Variants in RPS6KA5 observed in about 807,000 individuals in gnomAD.
RPS6KA5 encodes ribosomal protein S6 kinase alpha-5.
In RPS6KA5, 27 loss-of-function variants were observed where a neutral mutation model predicts 85.5. The observed-to-expected ratio is 0.32, with a 90% CI of 0.23 to 0.44. RPS6KA5 has a LOEUF of 0.44. Among genes scored for constraint, RPS6KA5 ranks in the 20% least tolerant of loss-of-function variants. The pLI is 1.00. For missense variants in RPS6KA5, 811 were observed against 980.9 expected (o/e 0.83, Z 2.31); for synonymous variants, 334 against 348.2 (o/e 0.96, Z 0.46).
intron 3 of RPS6KA5, among the ~76,000 whole-genome samples, chr14:90,975,703 A>C (rs1397773818): frequency 6.6e-6 from 1 of 152,260 alleles, no homozygotes; most frequent in African/African-American, 2.4e-5. Context: ...CCAAGTGTAT[A>C]GCACGATATT....
At position 90,987,424 on chromosome 14, in the gene RPS6KA5, C is replaced by T. The variant is rs575117716; in HGVS notation, c.176-8900G>A. ...TGCAATTTACAGCATCCTCTAGTAA[C>T]AAATTACCCATGAGAAACAAGTATG... is the stretch of plus-strand genomic sequence containing the variant. On this transcript the variant is annotated intron_variant, in intron 2 of 16. Coordinates refer to ENST00000614987, the MANE Select transcript of RPS6KA5 (RefSeq NM_004755.4). Among the ~76,000 whole-genome samples, 82 of 152,024 alleles carry T rather than the reference C, an allele frequency of 5.4e-4. 1 individual carries two copies. The South Asian group carries it at 0.017, about 31-fold the overall frequency.
rs79151174 is a variant in RPS6KA5 at position 91,035,253 on chromosome 14, C to G, written c.103+25079G>C. On this transcript the variant is annotated intron_variant, in intron 1 of 16. Coordinates refer to ENST00000614987, the MANE Select transcript of RPS6KA5 (RefSeq NM_004755.4). Reference sequence around the variant, plus strand: ...ACCAACAAGTAAAACTGCATATGAACCACGCTGTACTAGTACTAGGAGACA... The same window carrying G: ...ACCAACAAGTAAAACTGCATATGAAGCACGCTGTACTAGTACTAGGAGACA... Among the ~76,000 whole-genome samples the G allele has an allele frequency of 5.9e-3, 901 of 151,840 alleles. 4 individuals are homozygous for G. Among genetic ancestry groups the G allele is most frequent in the Admixed American group, 0.014 (208 of 15,246 alleles).
At chr14:90,987,100 TA>T (rs1288352633) in intron 2 of RPS6KA5, among the ~76,000 whole-genome samples, 1 of 152,224 alleles carries the variant, frequency 6.6e-6, no homozygotes, top group Non-Finnish European at 1.5e-5. Context: ...CACAAACATT[TA>T]ACCTCTAAGA....
rs187537299 is a variant in RPS6KA5, at chr14:90,857,730, A to C, written c.*14344T>G. On this transcript the variant is annotated 3_prime_UTR_variant, in exon 17 of 17. Coordinates refer to ENST00000614987, the MANE Select transcript of RPS6KA5 (RefSeq NM_004755.4). ...AAAAGATTCCAGTCTCTTTTTTCTC[A>C]CTCCCAACCCCCACACAAGAAAAGT... 1 of 152,108 alleles carries C rather than the reference A, an allele frequency of 6.6e-6. No homozygotes were observed. Among genetic ancestry groups the C allele is most frequent in the African/African-American group, 2.4e-5 (1 of 41,496 alleles). 9.4% of individuals were successfully genotyped at this position (152,108 alleles called of 1,614,324 possible). A position where few individuals can be genotyped will look rare whatever the true frequency, so the allele number is the denominator to read the frequency against.
rs79788172 is a variant in RPS6KA5, at chr14:91,040,541, G to T, written c.103+19791C>A. 3.5e-3 allele frequency among the ~76,000 whole-genome samples: 530 copies of T among 152,296 alleles called. 5 individuals carry two copies. The highest frequency in any genetic ancestry group is 4.1e-3 in the Non-Finnish European group (278 of 68,032). On this transcript the variant is annotated intron_variant, in intron 1 of 16. Coordinates refer to ENST00000614987, the MANE Select transcript of RPS6KA5 (RefSeq NM_004755.4). ...TTGTGTTTAGTGGGCTGCTAGAAGTGATAAGAAACTCAAGAAAGGGTCTTG... is the reference window on the plus strand; with the variant it reads ...TTGTGTTTAGTGGGCTGCTAGAAGTTATAAGAAACTCAAGAAAGGGTCTTG...
intron 7 of RPS6KA5, among the ~76,000 whole-genome samples, chr14:90,912,883 C>T (rs1158806624): frequency 7.2e-6 from 1 of 138,302 alleles, no homozygotes; most frequent in East Asian, 2.2e-4. Context: ...AAATACTCTT[C>T]TTCACTGTCA....
intron 1 of RPS6KA5, among the ~76,000 whole-genome samples, chr14:91,056,624 G>C (rs2043327689): frequency 6.6e-6 from 1 of 152,116 alleles, no homozygotes; most frequent in Admixed American, 6.6e-5. Flanking sequence ...ATGCAACCCA[G>C]TTCTTCCAGT....
chr14:91,047,696 T>G (rs978738650), intron 1 of RPS6KA5, among the ~76,000 whole-genome samples: 1 of 152,126 alleles, frequency 6.6e-6, no homozygotes, highest in African/African-American at 2.4e-5. Context: ...CACCACAAAT[T>G]CGTTTTCTTA....
chr14:90,975,874 C>T (rs2039541186), intron 3 of RPS6KA5, among the ~76,000 whole-genome samples: 1 of 152,150 alleles, frequency 6.6e-6, no homozygotes, highest in Admixed American at 6.5e-5. Flanking sequence ...TTAATGTGAA[C>T]AGAAGATAGA....
chr14:90,939,063 C>T (rs2037433804), intron 5 of RPS6KA5, among the ~76,000 whole-genome samples: 1 of 152,162 alleles, frequency 6.6e-6, no homozygotes, highest in Non-Finnish European at 1.5e-5. Flanking sequence ...TTAATAGCAC[C>T]CAAGTCATCT....
chr14:90,980,087 A>G (rs2039728505), intron 2 of RPS6KA5, among the ~76,000 whole-genome samples: 1 of 152,236 alleles, frequency 6.6e-6, no homozygotes, highest in Non-Finnish European at 1.5e-5. Context: ...AGACCTCAGT[A>G]AGGCAGAAGT....
intron 1 of RPS6KA5, among the ~76,000 whole-genome samples, chr14:91,050,729 G>T (rs980345734): frequency 6.6e-6 from 1 of 151,960 alleles, no homozygotes; most frequent in African/African-American, 2.4e-5. Context: ...GCGCCCAGCC[G>T]GCTTGCTTTT....
chr14:90,860,521 G>A lies in RPS6KA5; in HGVS notation c.*11553C>T, dbSNP rs2032491372. On this transcript the variant is annotated 3_prime_UTR_variant, in exon 17 of 17. Transcript: ENST00000614987. ...TGCACTCCAGCCTGGGTGACAGAGT[G>A]AGACTTGGTCTCAAAAATAAAATAA... 1 of 152,106 alleles carries A rather than the reference G, an allele frequency of 6.6e-6. No homozygotes were observed. Among genetic ancestry groups the A allele is most frequent in the Non-Finnish European group, 1.5e-5 (1 of 68,062 alleles). 9.4% of individuals were successfully genotyped at this position (152,106 alleles called of 1,614,324 possible). A position where few individuals can be genotyped will look rare whatever the true frequency, so the allele number is the denominator to read the frequency against.
chr14:90,908,131 C>T (rs993483672), intron 7 of RPS6KA5, among the ~76,000 whole-genome samples: 3 of 152,158 alleles, frequency 2.0e-5, no homozygotes, highest in East Asian at 1.9e-4. Flanking sequence ...GTCAGTCCTG[C>T]GAAGGCAGAA....
At chr14:90,912,526 T>A (rs1455774093) in intron 7 of RPS6KA5, among the ~76,000 whole-genome samples, 1 of 152,226 alleles carries the variant, frequency 6.6e-6, no homozygotes, top group Non-Finnish European at 1.5e-5. Flanking sequence ...CACTTATTTT[T>A]CAGGGTTCTG....
rs1160268235 is a variant in RPS6KA5, at chr14:90,851,924, T to C, written c.*20150A>G. The C allele has an allele frequency of 6.6e-6, 1 of 152,098 alleles. No homozygotes were observed. The highest frequency in any genetic ancestry group is 1.5e-5 in the Non-Finnish European group (1 of 68,020). 9.4% of individuals were successfully genotyped at this position (152,098 alleles called of 1,614,324 possible). A position where few individuals can be genotyped will look rare whatever the true frequency, so the allele number is the denominator to read the frequency against. ...TAACTTCAACACACAGCCTTCCCAATCATCTCACAGCGTTTATTTGAACAA... is the reference window on the plus strand; with the variant it reads ...TAACTTCAACACACAGCCTTCCCAACCATCTCACAGCGTTTATTTGAACAA... On this transcript the variant is annotated 3_prime_UTR_variant, in exon 17 of 17. Transcript: ENST00000614987.
chr14:90,919,605 G>C (rs2036294933), intron 7 of RPS6KA5, among the ~76,000 whole-genome samples: 1 of 151,968 alleles, frequency 6.6e-6, no homozygotes, highest in Non-Finnish European at 1.5e-5. Context: ...TATATAGCAA[G>C]TACTGAGAAT....
chr14:91,031,413 G>C (rs147544518), intron 1 of RPS6KA5, among the ~76,000 whole-genome samples: 3 of 152,296 alleles, frequency 2.0e-5, no homozygotes, highest in African/African-American at 4.8e-5. Context: ...ACAGCCATTG[G>C]ATCCAGGAAA....
rs1179797371 is a variant in RPS6KA5, at chr14:90,850,985, C to G, written c.*21089G>C. On this transcript the variant is annotated 3_prime_UTR_variant, in exon 17 of 17. Transcript: ENST00000614987. ...ACTTAATTTTATACTTTGTTAGTTC[C>G]TACTTCAAAATGCTAGTCAATATTC... The G allele has an allele frequency of 6.6e-6, 1 of 152,204 alleles. No individual in the cohort carries two copies. Among genetic ancestry groups the G allele is most frequent in the South Asian group, 2.1e-4 (1 of 4,826 alleles). The allele number at this position is 152,204 out of a possible 1,614,324, so 9.4% of individuals were successfully genotyped here.
Sources: gnomAD v4.1 joint callset for allele counts (sites outside exome capture counted in the v4.1 genomes callset) on GRCh38, gnomAD v4.1.1 for gene constraint, MANE v1.5 for transcripts, NCBI Gene and HGNC (gene_info 2026-07-23, HGNC 2026-07-21) for gene names.